The following DYSF variants were observed in gnomAD, a reference collection of about 807,000 sequenced individuals.
DYSF encodes the protein dystrophy-associated fer-1-like 1.
A neutral mutation model predicts 274.9 loss-of-function variants in DYSF; 212 were observed. The observed-to-expected ratio is 0.77, with a 90% CI of 0.69 to 0.86. The LOEUF (loss-of-function observed/expected upper bound fraction) is 0.86. Among genes scored for constraint, DYSF ranks in the 40% least tolerant of loss-of-function variants. The pLI, the probability that DYSF is intolerant of heterozygous loss-of-function variation, is 0.00. For missense variants in DYSF, 2,666 were observed against 2,783.2 expected (o/e 0.96, Z 0.95); for synonymous variants, 1,091 against 1,078.7 (o/e 1.01, Z -0.22).
chr2:71,518,655 C>G (rs1573684115), intron 10 of DYSF, among the ~76,000 whole-genome samples: 1 of 152,118 alleles, frequency 6.6e-6, no homozygotes, highest in East Asian at 1.9e-4. Context: ...AGAAAGAGCA[C>G]AAGCTTATTT....
intron 41 of DYSF, among the ~76,000 whole-genome samples, chr2:71,624,891 ACTT>A (rs59270906): frequency 0.046 from 6,939 of 152,196 alleles, 196 homozygotes; most frequent in Middle Eastern, 0.11. Context: ...ATCATTTTGT[ACTT>A]CTTCAATCAA....
chr2:71,668,715 A>G (rs776741439), intron 48 of DYSF, 39 bp from the exon 49 acceptor site: 42 of 1,598,128 alleles, frequency 2.6e-5, no homozygotes, highest in Non-Finnish European at 3.4e-5. Context: ...AGCTGGTTAA[A>G]TGAGAAGGGT....
intron 4 of DYSF, among the ~76,000 whole-genome samples, chr2:71,511,407 G>A (rs74786633): frequency 0.031 from 4,656 of 152,348 alleles, 126 homozygotes; most frequent in Non-Finnish European, 0.037. Context: ...TGGATAGTGG[G>A]AAAAATCCTG....
At chr2:71,470,781 C>A (rs201501275) in intron 1 of DYSF, among the ~76,000 whole-genome samples, 1 of 103,904 alleles carries the variant, frequency 9.6e-6, no homozygotes, top group African/African-American at 3.9e-5. Context: ...TCCTTCCTTC[C>A]TTCATTCCTT....
chr2:71,456,147 C>A (rs1251496711), intron 1 of DYSF, among the ~76,000 whole-genome samples: 1 of 151,886 alleles, frequency 6.6e-6, no homozygotes, highest in East Asian at 1.9e-4. Context: ...TGCTGCCTGG[C>A]TCTTCGGGGT....
chr2:71,617,876 TGGGGTGTGTGTGGTA>T (rs1558636038), intron 40 of DYSF, among the ~76,000 whole-genome samples: 1 of 13,296 alleles, frequency 7.5e-5, no homozygotes, highest in East Asian at 3.5e-3. Context: ...GTGGTAGAGG[TGGGGTGTGTGTGGTA>T]GAGGTGTGTT....
rs188671838 is a variant in DYSF at position 71,480,364 on chromosome 2, G to A, written c.92-519G>A. ...GTCTGGGCAATATAGTGAGGCCCCC[G>A]TCTACACACACACACACACGCACAC... On this transcript the variant is annotated intron_variant, in intron 1 of 55. Transcript: ENST00000410020. Among the ~76,000 whole-genome samples, 198 of 140,004 alleles carry A rather than the reference G, an allele frequency of 1.4e-3. 1 individual carries two copies. In the East Asian group the frequency reaches 0.025, roughly 18 times the overall value. The allele number at this position is 140,004 out of a possible 152,430, so 91.8% of individuals were successfully genotyped here.
chr2:71,456,296 G>T (rs992837176), intron 1 of DYSF, among the ~76,000 whole-genome samples: 1 of 152,108 alleles, frequency 6.6e-6, no homozygotes, highest in African/African-American at 2.4e-5. Flanking sequence ...CACTGAAACC[G>T]CCAGGCAGTC....
In DYSF at chr2:71,517,028, G is replaced by T. The variant is rs121908963; in HGVS notation, c.991G>T (p.Gly331Trp). 6.2e-7 allele frequency: 1 copy of T among 1,614,142 alleles called. No individual in the cohort carries two copies. The highest frequency in any genetic ancestry group is 1.1e-5 in the South Asian group (1 of 91,082). Reference protein sequence around the residue: ...SRSLRTDALLGEFRMDVGTIY... With the variant: ...SRSLRTDALLWEFRMDVGTIY... ...TTCTCTCAGGACAGATGCTCTCCTC[G>T]GGGAGTTCCGGGTAATTGCTTATTT... Residue 331 changes from glycine to tryptophan, a missense_variant, in exon 10 of 56, where the codon GGG becomes TGG. Gly to Trp is a radical substitution (Grantham distance 184, BLOSUM62 -2). Around this residue, in one of 3 missense-constraint regions of DYSF, gnomAD observed 794 missense variants for 777.1 expected, o/e 1.02. Transcript: ENST00000410020.
rs553788871 is a variant in DYSF at position 71,652,014 on chromosome 2, A to G, written c.4627-4148A>G. On this transcript the variant is annotated intron_variant, in intron 42 of 55. Transcript: ENST00000410020. ...CTTAATGTTAAAAAGAACATCTCTC[A>G]AGCTAACAGCCAACATCCAACTTCA... Among the ~76,000 whole-genome samples, 74 of 152,130 alleles carry G rather than the reference A, an allele frequency of 4.9e-4. 1 individual carries two copies. The highest frequency in any genetic ancestry group is 1.7e-3 in the African/African-American group (72 of 41,404).
At chr2:71,618,393 G>A (rs1474423738) in intron 40 of DYSF, among the ~76,000 whole-genome samples, 2 of 108,154 alleles carry the variant, frequency 1.8e-5, no homozygotes, top group African/African-American at 6.6e-5. Flanking sequence ...GAGGTGGTGT[G>A]TGTGTGTGTG....
chr2:71,603,235 C>A (rs1156479508), intron 36 of DYSF, among the ~76,000 whole-genome samples: 1 of 152,130 alleles, frequency 6.6e-6, no homozygotes, highest in East Asian at 1.9e-4. Flanking sequence ...GCTCAAAAGG[C>A]CAAGGACCAG....
At chr2:71,488,920 A>G (rs1034345079) in intron 3 of DYSF, among the ~76,000 whole-genome samples, 1 of 152,062 alleles carries the variant, frequency 6.6e-6, no homozygotes, top group African/African-American at 2.4e-5. Flanking sequence ...CCAGGAGACA[A>G]CCTGAGAACT....
chr2:71,561,619 G>A lies in DYSF; in HGVS notation c.2217-133G>A, dbSNP rs1457825057. 2.1e-5 allele frequency: 20 copies of A among 964,282 alleles called. No homozygotes were observed. In the Admixed American group the frequency reaches 3.7e-4, roughly 18 times the overall value. 59.7% of individuals were successfully genotyped at this position (964,282 alleles called of 1,614,324 possible). A position where few individuals can be genotyped will look rare whatever the true frequency, so the allele number is the denominator to read the frequency against. On this transcript the variant is annotated intron_variant, in intron 22 of 55. Coordinates refer to ENST00000410020, the MANE Select transcript of DYSF (RefSeq NM_001130987.2). Reference sequence around the variant, plus strand: ...ACATAGAGATGGCTGTGTGTGTGGAGCGGGCTGGAGAAGGCACCCAGCAGG... The same window carrying A: ...ACATAGAGATGGCTGTGTGTGTGGAACGGGCTGGAGAAGGCACCCAGCAGG...
In DYSF at chr2:71,487,637, T is replaced by C. The variant is rs532032160; in HGVS notation, c.239+5667T>C. ...GATTCTCCTGTCTCAGCCTCCCGAG[T>C]AGCTGGGATTACAGGTGCCCACCAT... On this transcript the variant is annotated intron_variant, in intron 3 of 55. Transcript: ENST00000410020. Among the ~76,000 whole-genome samples the C allele has an allele frequency of 1.9e-3, 289 of 152,218 alleles. 1 individual carries two copies. The highest frequency in any genetic ancestry group is 3.5e-3 in the Non-Finnish European group (238 of 68,014).
chr2:71,549,310 A>G, intron 17 of DYSF: 1 of 1,604,862 alleles, frequency 6.2e-7, no homozygotes, highest in African/African-American at 1.3e-5. Flanking sequence ...TCTCCCAGCC[A>G]TGCCCACCCT....
intron 4 of DYSF, among the ~76,000 whole-genome samples, chr2:71,505,531 C>T (rs916413224): frequency 2.0e-5 from 3 of 152,236 alleles, no homozygotes; most frequent in Admixed American, 6.5e-5. Context: ...CTGCCGCAGG[C>T]TGACTGCAGA....
At chr2:71,654,345 C>T (rs1369534056) in intron 42 of DYSF, among the ~76,000 whole-genome samples, 2 of 152,142 alleles carry the variant, frequency 1.3e-5, no homozygotes, top group African/African-American at 4.8e-5. Context: ...GCAATTTGTG[C>T]ACATCAGAGG....
chr2:71,455,856 A>G (rs1386445653), intron 1 of DYSF, among the ~76,000 whole-genome samples: 2 of 151,982 alleles, frequency 1.3e-5, no homozygotes, highest in Non-Finnish European at 2.9e-5. Flanking sequence ...TTCCCTGACC[A>G]CATGCCCCCT....
Sources: gnomAD v4.1 joint callset for allele counts (sites outside exome capture counted in the v4.1 genomes callset) on GRCh38, gnomAD v4.1.1 for gene constraint, gnomAD v4.1.1 regional missense constraint, MANE v1.5 for transcripts, NCBI Gene and HGNC (gene_info 2026-07-23, HGNC 2026-07-21) for gene names.